STXBP3: variants seen among roughly 807,000 people sequenced by gnomAD.
The protein encoded by STXBP3 is syntaxin binding protein 3, also known as syntaxin-binding protein 3.
Under a neutral mutation model 85.7 loss-of-function variants are expected in STXBP3, and 41 were observed. That is an observed-to-expected ratio of 0.48 (90% CI 0.37 to 0.62). The LOEUF (loss-of-function observed/expected upper bound fraction) is 0.62, where lower values mean the gene tolerates loss of function less well. Among genes scored for constraint, STXBP3 ranks in the 20% least tolerant of loss-of-function variants. STXBP3 has a pLI of 0.00. For synonymous variants in STXBP3, 229 were observed against 231.7 expected (o/e 0.99, Z 0.10); for missense variants, 563 against 703.1 (o/e 0.80, Z 2.25).
intron 1 of STXBP3, among the ~76,000 whole-genome samples, chr1:108,750,379 C>T (rs531971493): frequency 6.6e-6 from 1 of 152,184 alleles, no homozygotes; most frequent in South Asian, 2.1e-4. Context: ...GGACTTTCAC[C>T]ATAATTCTCA....
chr1:108,782,467 A>AGAT lies in STXBP3; in HGVS notation c.858_860dup (p.Asp287dup). 6.2e-7 allele frequency: 1 copy of AGAT among 1,613,878 alleles called. No individual in the cohort carries two copies. The highest frequency in any genetic ancestry group is 8.5e-7 in the Non-Finnish European group (1 of 1,179,886). On this transcript the variant is annotated inframe_insertion, in exon 10 of 19. Transcript: ENST00000370008. ...AAAAGGAGGCCATCCTTGAAGAAGA[A>AGAT]GATGACCTCTGGGTTAGAATTCGAC...
At chr1:108,790,149 G>A (rs536801041) in intron 11 of STXBP3, among the ~76,000 whole-genome samples, 2 of 151,896 alleles carry the variant, frequency 1.3e-5, no homozygotes, top group South Asian at 4.1e-4. Context: ...TTTTTTACCT[G>A]CTCTGTCAGT....
rs1164809739 is a variant in STXBP3 at position 108,771,804 on chromosome 1, CAT to C, written c.439-855_439-854del. Among the ~76,000 whole-genome samples the C allele has an allele frequency of 2.9e-4, 11 of 37,446 alleles. 4 individuals carry two copies. The South Asian group carries it at 3.2e-3, about 11-fold the overall frequency. 24.6% of individuals were successfully genotyped at this position (37,446 alleles called of 152,430 possible). ...ATATATGATATCTATCTATATATAT[CAT>C]ATATAAATATATGATATCTATCTAT... On this transcript the variant is annotated intron_variant, in intron 6 of 18. Coordinates refer to ENST00000370008, the MANE Select transcript of STXBP3 (RefSeq NM_007269.4).
rs1436392767 is a variant in STXBP3 at position 108,808,757 on chromosome 1, T to C, written c.1685-26T>C. 3.8e-6 allele frequency: 6 copies of C among 1,570,160 alleles called. No homozygotes were observed. In the East Asian group the frequency reaches 1.3e-4, roughly 35 times the overall value. ...GAAAATTGATTTAACTGCTGGCCTC[T>C]GAAAAATTCTCTTTTCTCCTACCAG... On this transcript the variant is annotated intron_variant, in intron 18 of 18. Transcript: ENST00000370008.
Position 108,796,651 on chromosome 1 carries a change from C to T in STXBP3, c.1281C>T (p.Ile427=), listed in dbSNP as rs1663110100. Reference sequence around the variant, plus strand: ...CGGAAGAAAATTTGGACAGGTTGATCCAGAATGTAAAGATAGAAAATGAGA... The same window carrying T: ...CGGAAGAAAATTTGGACAGGTTGATTCAGAATGTAAAGATAGAAAATGAGA... ...GTTEENLDRL[I]QNVKIENESD... Residue 427 remains isoleucine (I), a synonymous_variant, in exon 15 of 19, where the codon ATC becomes ATT. Coordinates refer to ENST00000370008, the MANE Select transcript of STXBP3 (RefSeq NM_007269.4). 1 of 1,613,244 alleles carries T rather than the reference C, an allele frequency of 6.2e-7. No homozygotes were observed. The highest frequency in any genetic ancestry group is 1.1e-5 in the South Asian group (1 of 90,938).
chr1:108,798,873 A>C (rs1663172276), intron 16 of STXBP3, among the ~76,000 whole-genome samples: 1 of 152,248 alleles, frequency 6.6e-6, no homozygotes, highest in Non-Finnish European at 1.5e-5. Flanking sequence ...ACAAAATAAC[A>C]TTTGTATGTG....
chr1:108,809,080 T>G lies in STXBP3; in HGVS notation c.*203T>G, dbSNP rs1663402406. The G allele has an allele frequency of 4.4e-6, 2 of 450,520 alleles. No homozygotes were observed. Among genetic ancestry groups the G allele is most frequent in the African/African-American group, 4.1e-5 (2 of 48,480 alleles). The allele number at this position is 450,520 out of a possible 1,614,324, so 27.9% of individuals were successfully genotyped here. A position where few individuals can be genotyped will look rare whatever the true frequency, so the allele number is the denominator to read the frequency against. Reference sequence around the variant, plus strand: ...AATATTGCTGCTGCTTTGTAGATGATGAGAAGAAATGTTAAAGTGCTTTCT... The same window carrying G: ...AATATTGCTGCTGCTTTGTAGATGAGGAGAAGAAATGTTAAAGTGCTTTCT... On this transcript the variant is annotated 3_prime_UTR_variant, in exon 19 of 19. Transcript: ENST00000370008.
At chr1:108,789,060 T>A (rs891319951) in intron 11 of STXBP3, among the ~76,000 whole-genome samples, 1 of 152,092 alleles carries the variant, frequency 6.6e-6, no homozygotes, top group African/African-American at 2.4e-5. Flanking sequence ...TGAGACTCCA[T>A]GTAAAAAAAA....
intron 1 of STXBP3, 37 bp from the exon 2 acceptor site, chr1:108,752,216 GTTTA>G (rs1277808712): frequency 6.3e-7 from 1 of 1,577,434 alleles, no homozygotes. Flanking sequence ...CTATGTTTCT[GTTTA>G]TTTAATTCCT....
chr1:108,800,341 T>G (rs766767713), intron 17 of STXBP3, 36 bp downstream of exon 17: 17 of 1,453,830 alleles, frequency 1.2e-5, no homozygotes, highest in Admixed American at 3.4e-5. Context: ...GAAATTTTCA[T>G]TCTACGGACT....
intron 11 of STXBP3, among the ~76,000 whole-genome samples, chr1:108,786,810 A>C (rs1165871425): frequency 6.6e-6 from 1 of 152,204 alleles, no homozygotes; most frequent in Non-Finnish European, 1.5e-5. Context: ...ATTTCAACAG[A>C]AACATTTAAC....
At chr1:108,788,938 A>C (rs1268318675) in intron 11 of STXBP3, among the ~76,000 whole-genome samples, 2 of 151,954 alleles carry the variant, frequency 1.3e-5, no homozygotes, top group African/African-American at 4.8e-5. Context: ...GATGGTGCCT[A>C]CCTGTATCCC....
intron 17 of STXBP3, among the ~76,000 whole-genome samples, chr1:108,801,639 G>C (rs1420203852): frequency 1.3e-5 from 2 of 150,402 alleles, no homozygotes; most frequent in Admixed American, 1.4e-4. Flanking sequence ...CAGTTCTTAA[G>C]TCTCCCTCCT....
At chr1:108,802,894 A>C (rs527661119) in intron 17 of STXBP3, among the ~76,000 whole-genome samples, 71 of 152,264 alleles carry the variant, frequency 4.7e-4, no homozygotes, top group African/African-American at 1.6e-3. Context: ...TATGTTTGTG[A>C]AATTTATCCC....
chr1:108,750,478 A>G (rs763825040), intron 1 of STXBP3, among the ~76,000 whole-genome samples: 1 of 152,186 alleles, frequency 6.6e-6, no homozygotes, highest in African/African-American at 2.4e-5. Flanking sequence ...TCACAATACA[A>G]CCTTCCAGAT....
chr1:108,758,268 TC>T (rs1662061412), intron 4 of STXBP3, among the ~76,000 whole-genome samples: 1 of 117,066 alleles, frequency 8.5e-6, no homozygotes, highest in African/African-American at 3.1e-5. Flanking sequence ...ATTACCTTAC[TC>T]TTTTTTTTTT....
intron 4 of STXBP3, among the ~76,000 whole-genome samples, chr1:108,758,256 A>T (rs1001292552): frequency 1.4e-5 from 2 of 143,640 alleles, no homozygotes; most frequent in Non-Finnish European, 3.0e-5. Flanking sequence ...CTGTTCATAC[A>T]TATTACCTTA....
At chr1:108,800,414 G>C (rs1208274179) in intron 17 of STXBP3, 109 bp downstream of exon 17, 1 of 695,578 alleles carries the variant, frequency 1.4e-6, no homozygotes, top group Non-Finnish European at 2.4e-6. Context: ...ATATAATCCT[G>C]TATTTTTTCT....
intron 6 of STXBP3, chr1:108,767,066 G>A: frequency 2.7e-6 from 1 of 366,710 alleles, no homozygotes; most frequent in Non-Finnish European, 5.4e-6. Context: ...GGAGATTGCA[G>A]CATTAATAAA....
Sources: allele counts gnomAD v4.1 joint callset (sites outside exome capture counted in the v4.1 genomes callset), GRCh38; gene constraint gnomAD v4.1.1; transcripts MANE v1.5; gene names NCBI Gene and HGNC (gene_info 2026-07-23, HGNC 2026-07-21).